CCDC187: variants seen among roughly 807,000 people sequenced by gnomAD.
The protein encoded by CCDC187 is coiled-coil domain containing 187.
Under a neutral mutation model 38.0 loss-of-function variants are expected in CCDC187, and 32 were observed. The ratio of observed to expected loss-of-function variants is 0.84; its 90% CI spans 0.64 to 1.13. The LOEUF (loss-of-function observed/expected upper bound fraction) is 1.13, where lower values mean the gene tolerates loss of function less well. Among genes scored for constraint, CCDC187 ranks in the 50% most tolerant of loss-of-function variants. The pLI, the probability that CCDC187 is intolerant of heterozygous loss-of-function variation, is 0.00. For missense variants in CCDC187, 707 were observed against 786.8 expected, an observed-to-expected ratio of 0.90 and a Z score of 1.21; for synonymous variants, 333 against 347.9, an observed-to-expected ratio of 0.96 and a Z score of 0.48.
chr9:136,255,757 C>A, intron 24 of CCDC187, 24 bp from the exon 25 acceptor site: 1 of 981,338 alleles, frequency 1.0e-6, no homozygotes, highest in Non-Finnish European at 1.2e-6. Flanking sequence ...CGTGGAGAAC[C>A]CTGTGGGGAT....
At chr9:136,292,364 G>A (rs1300046691) in intron 4 of CCDC187, 69 bp from the exon 5 acceptor site, 1 of 398,238 alleles carries the variant, frequency 2.5e-6, no homozygotes, top group Non-Finnish European at 4.4e-6. Flanking sequence ...CGGACGGGGA[G>A]GTTGGTGGCT....
chr9:136,250,396 C>G lies in CCDC187; in HGVS notation c.*3198G>C. On this transcript the variant is annotated 3_prime_UTR_variant, in exon 26 of 26. Coordinates refer to ENST00000638797, the MANE Select transcript of CCDC187 (RefSeq NM_001378188.1). ...CATTGCGCCGCACGTCAGCACCAAC[C>G]ACGTGGCAGCGAGCCTGGGAGCCAT... 3.5e-6 allele frequency: 1 copy of G among 285,868 alleles called. No individual in the cohort carries two copies. The highest frequency in any genetic ancestry group is 6.8e-6 in the Non-Finnish European group (1 of 146,230). 17.7% of individuals were successfully genotyped at this position (285,868 alleles called of 1,614,324 possible).
intron 14 of CCDC187, 119 bp from the exon 15 acceptor site, chr9:136,268,244 TC>T: frequency 2.0e-6 from 1 of 498,920 alleles, no homozygotes; most frequent in Non-Finnish European, 2.6e-6. Context: ...AGTGTCCCCA[TC>T]CCATCCCGGA....
At chr9:136,260,816 G>A (rs1279442857) in intron 19 of CCDC187, among the ~76,000 whole-genome samples, 11 of 152,224 alleles carry the variant, frequency 7.2e-5, no homozygotes. Flanking sequence ...CTAAGGGCCT[G>A]GAAACCCTGT....
rs566311776 is a variant in CCDC187 at position 136,267,088 on chromosome 9, TCAAAA to T, written c.3647+291_3647+295del. On this transcript the variant is annotated intron_variant, in intron 16 of 25. Transcript: ENST00000638797. ...TGAGCAACAAGAGCGAAACTCTGTCTCAAAACAAAACAAAACAAAACAAAAAAACA... is the reference window on the plus strand; with the variant it reads ...TGAGCAACAAGAGCGAAACTCTGTCTCAAAACAAAACAAAACAAAAAAACA... 15 of 154,542 alleles carry T rather than the reference TCAAAA, an allele frequency of 9.7e-5. No individual in the cohort carries two copies. In the South Asian group the frequency reaches 9.7e-4, roughly 10 times the overall value. The allele number at this position is 154,542 out of a possible 1,614,324, so 9.6% of individuals were successfully genotyped here. A position where few individuals can be genotyped will look rare whatever the true frequency, so the allele number is the denominator to read the frequency against.
rs1588670784 is a variant in CCDC187 at position 136,293,229 on chromosome 9, TCACAC to T, written c.833-939_833-935del. On this transcript the variant is annotated intron_variant, in intron 4 of 25. Transcript: ENST00000638797. Reference sequence around the variant, plus strand: ...CAAACACATGCTCACACACTCACACTCACACGCTCACACTCACATGCTTACACACT... The same window carrying T: ...CAAACACATGCTCACACACTCACACTGCTCACACTCACATGCTTACACACT... Among the ~76,000 whole-genome samples, 6 of 91,554 alleles carry T rather than the reference TCACAC, an allele frequency of 6.6e-5. No homozygotes were observed. In the South Asian group the frequency reaches 2.2e-3, roughly 34 times the overall value. The allele number at this position is 91,554 out of a possible 152,430, so 60.1% of individuals were successfully genotyped here. A position where few individuals can be genotyped will look rare whatever the true frequency, so the allele number is the denominator to read the frequency against.
chr9:136,257,157 A>G lies in CCDC187; in HGVS notation c.4367-316T>C, dbSNP rs1204491023. Among the ~76,000 whole-genome samples, 1 of 152,066 alleles carries G rather than the reference A, an allele frequency of 6.6e-6. No individual in the cohort carries two copies. Among genetic ancestry groups the G allele is most frequent in the African/African-American group, 2.4e-5 (1 of 41,408 alleles). ...TGGGAGGCCGAGGCGGGCGGATCAC[A>G]AGGTCAGGAGTTCGAGACCAGCCTG... On this transcript the variant is annotated intron_variant, in intron 22 of 25. Coordinates refer to ENST00000638797, the MANE Select transcript of CCDC187 (RefSeq NM_001378188.1). The surrounding 1 kb of genome is among the most constrained non-coding windows in gnomAD (Gnocchi z 4.5).
intron 4 of CCDC187, among the ~76,000 whole-genome samples, chr9:136,293,058 G>A (rs1831374737): frequency 6.6e-6 from 1 of 152,238 alleles, no homozygotes. Context: ...AAGGCCGGAG[G>A]TAGGGCCAGC....
upstream of CCDC187, among the ~76,000 whole-genome samples, chr9:136,306,552 G>A (rs1449846985): frequency 1.3e-5 from 2 of 152,134 alleles, no homozygotes; most frequent in East Asian, 1.9e-4. Flanking sequence ...ATCTTACGTC[G>A]TCTCAGGGCA....
intron 4 of CCDC187, among the ~76,000 whole-genome samples, chr9:136,293,940 C>CCA (rs1223300064): frequency 6.7e-6 from 1 of 150,034 alleles, no homozygotes; most frequent in East Asian, 2.0e-4. Context: ...TCGTGCTCTC[C>CCA]CACACACACA....
Position 136,293,329 on chromosome 9 carries a change from T to G in CCDC187, c.833-1034A>C, listed in dbSNP as rs955935282. ...TGTTCACACACTCACACTCACATGC[T>G]TACACACTCACACTCACATGCTCAC... On this transcript the variant is annotated intron_variant, in intron 4 of 25. Coordinates refer to ENST00000638797, the MANE Select transcript of CCDC187 (RefSeq NM_001378188.1). Among the ~76,000 whole-genome samples the G allele has an allele frequency of 1.5e-4, 21 of 137,792 alleles. 1 individual carries two copies. Among genetic ancestry groups the G allele is most frequent in the African/African-American group, 6.0e-4 (21 of 35,236 alleles). 90.4% of individuals were successfully genotyped at this position (137,792 alleles called of 152,430 possible). A position where few individuals can be genotyped will look rare whatever the true frequency, so the allele number is the denominator to read the frequency against.
At chr9:136,270,633 G>A (rs1367173713) in intron 14 of CCDC187, among the ~76,000 whole-genome samples, 2 of 152,190 alleles carry the variant, frequency 1.3e-5, no homozygotes, top group African/African-American at 4.8e-5. Context: ...CGGATGACTG[G>A]GGGCAAGCCT....
Position 136,250,029 on chromosome 9 carries a change from G to A in CCDC187, c.*3565C>T, listed in dbSNP as rs183524760. The A allele has an allele frequency of 6.6e-5, 10 of 152,372 alleles. No homozygotes were observed. In the East Asian group the frequency reaches 1.9e-3, roughly 29 times the overall value. 9.4% of individuals were successfully genotyped at this position (152,372 alleles called of 1,614,324 possible). Reference sequence around the variant, plus strand: ...GCGGTGACGACAGATCAGAGCCCAGGCAAATACAGCAGGAGACCTTGAAGG... The same window carrying A: ...GCGGTGACGACAGATCAGAGCCCAGACAAATACAGCAGGAGACCTTGAAGG... On this transcript the variant is annotated 3_prime_UTR_variant, in exon 26 of 26. Transcript: ENST00000638797.
chr9:136,287,584 C>G (rs1831211405), intron 7 of CCDC187, among the ~76,000 whole-genome samples: 1 of 152,202 alleles, frequency 6.6e-6, no homozygotes, highest in Non-Finnish European at 1.5e-5. Flanking sequence ...TGAGACTGAG[C>G]CCCCACCTCC....
At chr9:136,301,626 GC>G (rs1831685741) in intron 2 of CCDC187, among the ~76,000 whole-genome samples, 1 of 133,052 alleles carries the variant, frequency 7.5e-6, no homozygotes, top group Admixed American at 8.8e-5. Context: ...TCGCTCTGTC[GC>G]CCAGGCTGGA....
At chr9:136,298,585 T>C (rs1831594028) in intron 3 of CCDC187, among the ~76,000 whole-genome samples, 1 of 152,234 alleles carries the variant, frequency 6.6e-6, no homozygotes, top group Non-Finnish European at 1.5e-5. Flanking sequence ...AAGAGGACCC[T>C]GGCCCAAAGG....
intron 4 of CCDC187, among the ~76,000 whole-genome samples, chr9:136,293,556 C>A (rs1164608300): frequency 2.0e-5 from 3 of 151,244 alleles, no homozygotes; most frequent in African/African-American, 7.4e-5. Context: ...GACATGCTCA[C>A]ACACTGTCAC....
Position 136,255,118 on chromosome 9 carries a change from A to G in CCDC187, c.4710T>C (p.Pro1570=). ...GCAGGATTGGGGGCGCCGCCTCCTCAGGGACCACAGGAGCTGCTAAGAGAG... is the reference window on the plus strand; with the variant it reads ...GCAGGATTGGGGGCGCCGCCTCCTCGGGGACCACAGGAGCTGCTAAGAGAG... ...AAASPAAPVV[P]EEAAPPILHQ... The change falls in exon 26 of 26, where the codon CCT becomes CCC. Residue 1570 remains proline (P), a synonymous_variant. Transcript: ENST00000638797. 1 of 985,460 alleles carries G rather than the reference A, an allele frequency of 1.0e-6. No homozygotes were observed. Among genetic ancestry groups the G allele is most frequent in the Non-Finnish European group, 1.2e-6 (1 of 829,994 alleles). The allele number at this position is 985,460 out of a possible 1,614,324, so 61.0% of individuals were successfully genotyped here. A position where few individuals can be genotyped will look rare whatever the true frequency, so the allele number is the denominator to read the frequency against.
chr9:136,303,391 C>T, intron 1 of CCDC187, 98 bp from the exon 2 acceptor site: 2 of 383,784 alleles, frequency 5.2e-6, no homozygotes, highest in Non-Finnish European at 9.2e-6. Flanking sequence ...CATTCCTGCT[C>T]CACAGACTGG....
Sources: allele counts gnomAD v4.1 joint callset (sites outside exome capture counted in the v4.1 genomes callset), GRCh38; gene constraint gnomAD v4.1.1; non-coding constraint Gnocchi (gnomAD v3.1); transcripts MANE v1.5; gene names NCBI Gene and HGNC (gene_info 2026-07-23, HGNC 2026-07-21).